Variants in GLG1 observed in about 807,000 individuals in gnomAD.
The protein encoded by GLG1 is golgi glycoprotein 1, also known as Golgi apparatus protein 1.
Under a neutral mutation model 160.5 loss-of-function variants are expected in GLG1, and 38 were observed. The observed-to-expected ratio is 0.24, with a 90% confidence interval of 0.18 to 0.31. The LOEUF is 0.31. Ranked by LOEUF, GLG1 falls within the 10% of genes least tolerant of loss-of-function variation. The pLI is 1.00. For missense variants in GLG1, 1,373 were observed against 1,505.2 expected (o/e 0.91, Z 1.45); for synonymous variants, 644 against 543.4 (o/e 1.19, Z -2.57).
Position 74,479,723 on chromosome 16 carries a change from G to A in GLG1, c.1827+518C>T, listed in dbSNP as rs373044735. ...GAACAAGTGCATGTCAGTGCGCACC[G>A]GGAAGCAGCCGATGCTGCCGAGACC... On this transcript the variant is annotated intron_variant, in intron 11 of 25. Transcript: ENST00000422840. Among the ~76,000 whole-genome samples, 4 of 152,280 alleles carry A rather than the reference G, an allele frequency of 2.6e-5. No individual in the cohort carries two copies. In the East Asian group the frequency reaches 7.7e-4, roughly 29 times the overall value.
At chr16:74,578,432 T>C (rs1439042921) in intron 1 of GLG1, among the ~76,000 whole-genome samples, 1 of 152,218 alleles carries the variant, frequency 6.6e-6, no homozygotes. Context: ...TTATGAAGAC[T>C]AAATGTTGCT....
At chr16:74,497,172 C>G (rs952629062) in intron 4 of GLG1, among the ~76,000 whole-genome samples, 1 of 151,674 alleles carries the variant, frequency 6.6e-6, no homozygotes, top group African/African-American at 2.4e-5. Context: ...GCCTGTAATC[C>G]CAGCTACTCA....
intron 22 of GLG1, among the ~76,000 whole-genome samples, chr16:74,461,034 CT>C (rs1410859999): frequency 2.6e-5 from 4 of 152,168 alleles, no homozygotes; most frequent in Non-Finnish European, 4.4e-5. Flanking sequence ...TATGAGTGAG[CT>C]TTTTTGTAAC....
intron 2 of GLG1, among the ~76,000 whole-genome samples, chr16:74,526,667 T>A (rs1393801832): frequency 1.3e-5 from 2 of 152,008 alleles, no homozygotes; most frequent in African/African-American, 4.8e-5. Context: ...GAAGCTGGAG[T>A]GAGCCGTGAT....
In GLG1 at chr16:74,499,197, G is replaced by A. The variant is rs568467373; in HGVS notation, c.775-2553C>T. On this transcript the variant is annotated intron_variant, in intron 4 of 25. Transcript: ENST00000422840. ...GGGTTAATCTGGGTGAGTGGGTGGA[G>A]TCTATAAAACTCCTAAAACTTGTTT... Among the ~76,000 whole-genome samples the A allele has an allele frequency of 2.0e-5, 3 of 146,706 alleles. No homozygotes were observed. The South Asian group carries it at 6.9e-4, about 34-fold the overall frequency.
At chr16:74,532,768 C>A (rs1214489096) in intron 1 of GLG1, among the ~76,000 whole-genome samples, 1 of 152,044 alleles carries the variant, frequency 6.6e-6, no homozygotes, top group Non-Finnish European at 1.5e-5. Context: ...CTCAAGTGAT[C>A]CACCCACCTG....
intron 2 of GLG1, among the ~76,000 whole-genome samples, chr16:74,519,943 T>C (rs562783506): frequency 6.6e-6 from 1 of 152,334 alleles, no homozygotes; most frequent in African/African-American, 2.4e-5. Context: ...AGTATTCACA[T>C]TATTGACTAT....
At chr16:74,473,157 C>T (rs1175478771) in intron 13 of GLG1, among the ~76,000 whole-genome samples, 2 of 152,182 alleles carry the variant, frequency 1.3e-5, no homozygotes, top group Non-Finnish European at 2.9e-5. Context: ...TTTAGCTGCC[C>T]TCCTCTGTAT....
chr16:74,605,958 C>T (rs999551340), intron 1 of GLG1, among the ~76,000 whole-genome samples: 1 of 152,102 alleles, frequency 6.6e-6, no homozygotes, highest in African/African-American at 2.4e-5. Flanking sequence ...CTGAATCACA[C>T]CAAGCAACGA....
In GLG1 at chr16:74,606,694, T is replaced by C. The variant is rs773800196; in HGVS notation, c.401A>G (p.Asn134Ser). The C allele has an allele frequency of 9.4e-6, 15 of 1,601,814 alleles. No individual in the cohort carries two copies. Among genetic ancestry groups the C allele is most frequent in the East Asian group, 2.2e-5 (1 of 44,466 alleles). ...CTGCAGGCACTCGAGCACCGCCAGG[T>C]TGTTGCTCCAGGTGTGCTTAGGGCA... The part of the protein sequence containing the change: ...RVCPKHTWSN[N>S]LAVLECLQDV... The change falls in exon 1 of 26, where the codon AAC (asparagine) becomes AGC (serine). Residue 134 changes from asparagine to serine, a missense_variant. This residue lies in a region of GLG1 where 322 missense variants were observed against 254.6 expected (regional missense o/e 1.26). Coordinates refer to ENST00000422840, the MANE Select transcript of GLG1 (RefSeq NM_001145667.2).
chr16:74,593,207 T>C (rs1166115334), intron 1 of GLG1, among the ~76,000 whole-genome samples: 1 of 152,116 alleles, frequency 6.6e-6, no homozygotes, highest in Non-Finnish European at 1.5e-5. Context: ...CAACACAAAA[T>C]GGACTCAGAC....
At chr16:74,527,699 T>C (rs999337929) in intron 2 of GLG1, among the ~76,000 whole-genome samples, 1 of 152,156 alleles carries the variant, frequency 6.6e-6, no homozygotes, top group African/African-American at 2.4e-5. Flanking sequence ...GGGAGATGAA[T>C]ATTCTCAGCT....
chr16:74,568,470 T>G (rs897404699), intron 1 of GLG1, among the ~76,000 whole-genome samples: 2 of 149,142 alleles, frequency 1.3e-5, no homozygotes, highest in African/African-American at 5.0e-5. Context: ...CAGGCTGGAG[T>G]GCAATGGCAT....
Position 74,585,952 on chromosome 16 carries a change from A to G in GLG1, c.438+20705T>C, listed in dbSNP as rs1314747593. On this transcript the variant is annotated intron_variant, in intron 1 of 25. Transcript: ENST00000422840. ...GTGGCGGGTGCCTGTAATCCCAGCT[A>G]CTTGGGGGGCCGAAGCAGGAGAACT... Among the ~76,000 whole-genome samples, 3 of 151,162 alleles carry G rather than the reference A, an allele frequency of 2.0e-5. No homozygotes were observed. The East Asian group carries it at 5.8e-4, about 29-fold the overall frequency.
intron 11 of GLG1, among the ~76,000 whole-genome samples, chr16:74,479,550 A>G (rs575460793): frequency 2.6e-5 from 4 of 152,214 alleles, no homozygotes; most frequent in African/African-American, 9.6e-5. Context: ...GAGTCCCCTC[A>G]TTCTGGATTT....
intron 7 of GLG1, among the ~76,000 whole-genome samples, chr16:74,491,941 CAA>C (rs1166728753): frequency 6.6e-6 from 1 of 150,766 alleles, no homozygotes; most frequent in East Asian, 2.0e-4. Context: ...AAACTTAAAA[CAA>C]AAAGATTAAA....
At chr16:74,573,667 AGCTGGGACTACAGTC>A (rs1281919787) in intron 1 of GLG1, among the ~76,000 whole-genome samples, 3 of 141,776 alleles carry the variant, frequency 2.1e-5, no homozygotes, top group Admixed American at 7.5e-5. Flanking sequence ...CTTCCCCAGT[AGCTGGGACTACAGTC>A]GCACACTACT....
chr16:74,469,616 A>G (rs1199841578), intron 16 of GLG1: 2 of 218,570 alleles, frequency 9.2e-6, no homozygotes, highest in East Asian at 1.9e-4. Context: ...CAATACAAAA[A>G]CTGCTGCATC....
intron 2 of GLG1, among the ~76,000 whole-genome samples, chr16:74,514,239 T>C (rs1460247117): frequency 6.6e-6 from 1 of 152,170 alleles, no homozygotes; most frequent in East Asian, 1.9e-4. Context: ...CAGGAGAACT[T>C]CTCCAACCTA....
Sources: allele counts gnomAD v4.1 joint callset (sites outside exome capture counted in the v4.1 genomes callset), GRCh38; gene constraint gnomAD v4.1.1; regional missense constraint gnomAD v4.1.1; transcripts MANE v1.5; gene names NCBI Gene and HGNC (gene_info 2026-07-23, HGNC 2026-07-21).